Variants in EPB41L4B observed in about 807,000 individuals in gnomAD.
EPB41L4B encodes band 4.1-like protein 4B.
EPB41L4B carries 30 observed loss-of-function variants against 112.5 expected under a neutral mutation model. The observed-to-expected ratio is 0.27, with a 90% confidence interval of 0.20 to 0.36. The LOEUF (loss-of-function observed/expected upper bound fraction) is 0.36. Ranked by LOEUF, EPB41L4B falls within the 10% of genes least tolerant of loss-of-function variation. EPB41L4B has a pLI of 1.00. For synonymous variants in EPB41L4B, 408 were observed against 439.7 expected, an observed-to-expected ratio of 0.93 and a Z score of 0.90; for missense variants, 1,024 against 1,133.3, an observed-to-expected ratio of 0.90 and a Z score of 1.38.
chr9:109,207,816 T>G, intron 18 of EPB41L4B, 108 bp downstream of exon 18: 1 of 1,405,932 alleles, frequency 7.1e-7, no homozygotes, highest in Non-Finnish European at 9.8e-7. Context: ...ATCTCCTGAC[T>G]GGACCCTGAC....
intron 14 of EPB41L4B, among the ~76,000 whole-genome samples, chr9:109,246,545 G>GA (rs1168672172): frequency 6.6e-6 from 1 of 152,236 alleles, no homozygotes; most frequent in Admixed American, 6.5e-5. Flanking sequence ...AGAATGGTGG[G>GA]AAGAAATTAT....
At chr9:109,277,874 G>A (rs1835895751) in intron 2 of EPB41L4B, among the ~76,000 whole-genome samples, 1 of 152,178 alleles carries the variant, frequency 6.6e-6, no homozygotes, top group Admixed American at 6.5e-5. Context: ...ATCCTGGAAT[G>A]GGGACTGGCA....
intron 2 of EPB41L4B, among the ~76,000 whole-genome samples, chr9:109,273,673 C>A (rs1835709271): frequency 6.6e-6 from 1 of 152,194 alleles, no homozygotes; most frequent in South Asian, 2.1e-4. Context: ...CCCCCACACC[C>A]CCAGCCCACC....
intron 2 of EPB41L4B, among the ~76,000 whole-genome samples, chr9:109,275,526 C>G (rs1391263402): frequency 6.6e-6 from 1 of 152,172 alleles, no homozygotes; most frequent in Non-Finnish European, 1.5e-5. Context: ...CAAGGCGGGC[C>G]TTACAGGTTC....
rs557260059 is a variant in EPB41L4B at position 109,305,862 on chromosome 9, T to C, written c.306+14279A>G. On this transcript the variant is annotated intron_variant, in intron 1 of 25. Transcript: ENST00000374566. ...TCGCTTGAATGCGGGAGGTAGAGCTTGCAGTGAGTCGAGATCGCGCCACTG... is the reference window on the plus strand; with the variant it reads ...TCGCTTGAATGCGGGAGGTAGAGCTCGCAGTGAGTCGAGATCGCGCCACTG... Among the ~76,000 whole-genome samples the C allele has an allele frequency of 8.5e-5, 13 of 152,172 alleles. 1 individual carries two copies. The highest frequency in any genetic ancestry group is 3.1e-4 in the African/African-American group (13 of 41,504).
At chr9:109,181,513 G>A (rs191584709) in intron 24 of EPB41L4B, among the ~76,000 whole-genome samples, 3 of 152,320 alleles carry the variant, frequency 2.0e-5, no homozygotes, top group East Asian at 3.9e-4. Flanking sequence ...AGGATATGAG[G>A]AGGATATTCT....
chr9:109,225,226 A>G (rs1435867722), intron 15 of EPB41L4B, among the ~76,000 whole-genome samples: 3 of 152,252 alleles, frequency 2.0e-5, no homozygotes, highest in African/African-American at 4.8e-5. Context: ...AAAATGAAAT[A>G]TCAGTGCATT....
At chr9:109,208,116 C>T in intron 17 of EPB41L4B, 67 bp from the exon 18 acceptor site, 2 of 1,594,312 alleles carry the variant, frequency 1.3e-6, no homozygotes, top group Admixed American at 1.7e-5. Context: ...TTAACTTTTC[C>T]CAATAATCAT....
intron 2 of EPB41L4B, among the ~76,000 whole-genome samples, chr9:109,276,769 C>T (rs1002720284): frequency 1.3e-5 from 2 of 152,218 alleles, no homozygotes; most frequent in African/African-American, 4.8e-5. Context: ...ACTTGGCTTT[C>T]TGGGAATCTG....
intron 15 of EPB41L4B, among the ~76,000 whole-genome samples, chr9:109,230,295 C>T (rs1833910413): frequency 6.6e-6 from 1 of 152,174 alleles, no homozygotes; most frequent in African/African-American, 2.4e-5. Context: ...CCTGGGCTCT[C>T]TGAATTGCTA....
rs1331228840 is a variant in EPB41L4B, at chr9:109,268,873, G to A, written c.412-440C>T. The stretch of plus-strand genomic sequence containing the variant: ...GATCGCGCCACTGCACTCCAGCCTG[G>A]GCGACAGAGCGAAACTCCGTCTCAA... On this transcript the variant is annotated intron_variant, in intron 2 of 25. Coordinates refer to ENST00000374566, the MANE Select transcript of EPB41L4B (RefSeq NM_019114.5). 1.4e-4 allele frequency among the ~76,000 whole-genome samples: 19 copies of A among 135,314 alleles called. 1 individual carries two copies. In the Admixed American group the frequency reaches 1.6e-3, roughly 11 times the overall value. The allele number at this position is 135,314 out of a possible 152,430, so 88.8% of individuals were successfully genotyped here. A position where few individuals can be genotyped will look rare whatever the true frequency, so the allele number is the denominator to read the frequency against.
chr9:109,210,677 C>T (rs535211775), intron 17 of EPB41L4B, among the ~76,000 whole-genome samples: 2 of 152,262 alleles, frequency 1.3e-5, no homozygotes, highest in African/African-American at 4.8e-5. Context: ...GGCCAATATA[C>T]ATTTTGGGAA....
In EPB41L4B at chr9:109,176,631, C is replaced by T. The variant is rs200882665; in HGVS notation, c.2553G>A (p.Ala851=). ...PGPTSPLIPA[A]TLRPLTETVS... Reference sequence around the variant, plus strand: ...CGGTCTCTGTCAAAGGCCTCAGGGTCGCTGCTGGGATCAGCGGGGAAGTCG... The same window carrying T: ...CGGTCTCTGTCAAAGGCCTCAGGGTTGCTGCTGGGATCAGCGGGGAAGTCG... Residue 851 remains alanine, a synonymous_variant, in exon 25 of 26, where the codon GCG becomes GCA. Transcript: ENST00000374566. 906 of 1,613,868 alleles carry T rather than the reference C, an allele frequency of 5.6e-4. 2 individuals carry two copies. The highest frequency in any genetic ancestry group is 2.0e-3 in the South Asian group (184 of 91,052).
At chr9:109,256,092 A>G in intron 9 of EPB41L4B, 44 bp downstream of exon 9, 3 of 1,551,078 alleles carry the variant, frequency 1.9e-6, no homozygotes, top group Middle Eastern at 1.7e-4. Flanking sequence ...ATTCCACCAC[A>G]AAATAGGAAA....
intron 1 of EPB41L4B, among the ~76,000 whole-genome samples, chr9:109,280,134 T>C (rs1268924130): frequency 6.6e-6 from 1 of 152,208 alleles, no homozygotes. Flanking sequence ...AGAATCTAGA[T>C]AACCCTGTTA....
At chr9:109,180,762 C>CA in intron 24 of EPB41L4B, among the ~76,000 whole-genome samples, 1 of 152,272 alleles carries the variant, frequency 6.6e-6, no homozygotes, top group South Asian at 2.1e-4. Flanking sequence ...CCAGATGGCA[C>CA]AAAAACCCTT....
chr9:109,309,423 G>T (rs987825898), intron 1 of EPB41L4B, among the ~76,000 whole-genome samples: 4 of 152,108 alleles, frequency 2.6e-5, no homozygotes, highest in African/African-American at 7.2e-5. Flanking sequence ...GTCAACTTGG[G>T]GCTTACAGTG....
chr9:109,318,367 G>A (rs1019695028), intron 1 of EPB41L4B, among the ~76,000 whole-genome samples: 1 of 152,096 alleles, frequency 6.6e-6, no homozygotes, highest in Non-Finnish European at 1.5e-5. Flanking sequence ...TACACTGGCT[G>A]GAATCAGTCA....
rs985149870 is a variant in EPB41L4B at position 109,182,949 on chromosome 9, C to T, written c.2419-152G>A. On this transcript the variant is annotated intron_variant, in intron 23 of 25. Coordinates refer to ENST00000374566, the MANE Select transcript of EPB41L4B (RefSeq NM_019114.5). Reference sequence around the variant, plus strand: ...CGTGTAAGGGCACATACAAAGGGTCCCTCAGGAGTGTGAGCTGGTGGTTGT... The same window carrying T: ...CGTGTAAGGGCACATACAAAGGGTCTCTCAGGAGTGTGAGCTGGTGGTTGT... 3.2e-5 allele frequency: 20 copies of T among 623,810 alleles called. No homozygotes were observed. In the Admixed American group the frequency reaches 4.2e-4, roughly 13 times the overall value. 38.6% of individuals were successfully genotyped at this position (623,810 alleles called of 1,614,324 possible).
Sources: gnomAD v4.1 joint callset for allele counts (sites outside exome capture counted in the v4.1 genomes callset) on GRCh38, gnomAD v4.1.1 for gene constraint, MANE v1.5 for transcripts, NCBI Gene and HGNC (gene_info 2026-07-23, HGNC 2026-07-21) for gene names.